SLMAP: variants seen among roughly 807,000 people sequenced by gnomAD.
The protein encoded by SLMAP is sarcolemmal membrane-associated protein.
SLMAP carries 44 observed loss-of-function variants against 128.8 expected under a neutral mutation model. The observed-to-expected ratio is 0.34, with a 90% CI of 0.27 to 0.44. SLMAP has a LOEUF of 0.44. SLMAP is among the 20% of genes least tolerant of loss of function. The pLI is 1.00. For missense variants in SLMAP, 787 were observed against 985.3 expected (o/e 0.80, Z 2.69); for synonymous variants, 327 against 348.8 (o/e 0.94, Z 0.70).
intron 2 of SLMAP, among the ~76,000 whole-genome samples, chr3:57,778,379 TC>T (rs2082323009): frequency 6.6e-6 from 1 of 151,730 alleles, no homozygotes; most frequent in African/African-American, 2.4e-5. Flanking sequence ...TTTTTTTTTT[TC>T]CATTACACTT....
At chr3:57,759,813 A>T (rs999793760) in intron 2 of SLMAP, among the ~76,000 whole-genome samples, 2 of 152,194 alleles carry the variant, frequency 1.3e-5, no homozygotes, top group African/African-American at 4.8e-5. Flanking sequence ...TGTTTTACTT[A>T]TTTGAAAAAT....
chr3:57,836,251 C>T (rs1406947368), intron 3 of SLMAP, among the ~76,000 whole-genome samples: 1 of 151,414 alleles, frequency 6.6e-6, no homozygotes, highest in Non-Finnish European at 1.5e-5. Flanking sequence ...GAAGAGGGAG[C>T]CAAATTAAAA....
chr3:57,909,053 A>T, intron 18 of SLMAP, 23 bp from the exon 19 acceptor site: 1 of 1,525,176 alleles, frequency 6.6e-7, no homozygotes, highest in Non-Finnish European at 9.0e-7. Context: ...AACTATTAAT[A>T]GATACTGTGT....
intron 2 of SLMAP, among the ~76,000 whole-genome samples, chr3:57,793,097 C>T (rs2153478088): frequency 7.0e-6 from 1 of 143,684 alleles, no homozygotes; most frequent in African/African-American, 2.7e-5. Context: ...CAAGATCATG[C>T]TACTGCACTC....
intron 15 of SLMAP, among the ~76,000 whole-genome samples, chr3:57,892,742 C>T (rs865981466): frequency 6.6e-6 from 1 of 150,884 alleles, no homozygotes; most frequent in East Asian, 2.0e-4. Context: ...CCCAGGAGTT[C>T]GAGACCAGCC....
intron 2 of SLMAP, among the ~76,000 whole-genome samples, chr3:57,803,424 G>A (rs981184049): frequency 6.6e-6 from 1 of 152,136 alleles, no homozygotes; most frequent in Non-Finnish European, 1.5e-5. Flanking sequence ...AATCAAATTA[G>A]TGCTAGTGCT....
At chr3:57,899,994 T>G (rs960757346) in intron 17 of SLMAP, 6 of 147,924 alleles carry the variant, frequency 4.1e-5, no homozygotes, top group African/African-American at 1.5e-4. Context: ...TTATGCTTGA[T>G]TATGTGTGGT....
chr3:57,917,888 C>T (rs1200980309), intron 22 of SLMAP: 2 of 152,148 alleles, frequency 1.3e-5, no homozygotes, highest in Non-Finnish European at 2.9e-5. Context: ...TAAAAGGATT[C>T]TTTATGAATT....
Position 57,791,658 on chromosome 3 carries a change from A to G in SLMAP, c.198+33809A>G, listed in dbSNP as rs190783718. Among the ~76,000 whole-genome samples, 60 of 152,274 alleles carry G rather than the reference A, an allele frequency of 3.9e-4. 1 individual carries two copies. The East Asian group carries it at 6.7e-3, about 17-fold the overall frequency. ...TCGATAAACTATCAAATAAATTTCT[A>G]TTTCAACAGAAAATCCAAAAATTGC... On this transcript the variant is annotated intron_variant, in intron 2 of 24. Transcript: ENST00000671191.
At chr3:57,895,626 G>A (rs1289812208) in intron 15 of SLMAP, among the ~76,000 whole-genome samples, 4 of 151,898 alleles carry the variant, frequency 2.6e-5, no homozygotes, top group South Asian at 2.1e-4. Flanking sequence ...GAGCCACTGC[G>A]CCTGGCCCTA....
intron 2 of SLMAP, among the ~76,000 whole-genome samples, chr3:57,781,015 CAT>C (rs1395927557): frequency 6.7e-6 from 1 of 149,884 alleles, no homozygotes; most frequent in East Asian, 2.0e-4. Flanking sequence ...TATATATATA[CAT>C]ATATATACAC....
intron 2 of SLMAP, among the ~76,000 whole-genome samples, chr3:57,762,143 C>T (rs915900940): frequency 5.4e-5 from 8 of 148,828 alleles, no homozygotes; most frequent in East Asian, 4.0e-4. Context: ...CTGAGGCAGA[C>T]GGATCACGAG....
At chr3:57,913,011 C>T in intron 20 of SLMAP, 147 bp from the exon 21 acceptor site, 1 of 518,638 alleles carries the variant, frequency 1.9e-6, no homozygotes, top group Non-Finnish European at 3.5e-6. Flanking sequence ...TGCAAAGTAA[C>T]AGGAATCATA....
chr3:57,924,193 A>G (rs908040870), intron 23 of SLMAP, among the ~76,000 whole-genome samples: 17 of 152,134 alleles, frequency 1.1e-4, no homozygotes, highest in Non-Finnish European at 2.2e-4. Flanking sequence ...ATTATTATTT[A>G]TAGCTACCAT....
chr3:57,782,964 C>T (rs1325899457), intron 2 of SLMAP, among the ~76,000 whole-genome samples: 1 of 152,190 alleles, frequency 6.6e-6, no homozygotes, highest in Admixed American at 6.5e-5. Context: ...ACTTCTAGCT[C>T]CCAGAACTGT....
intron 13 of SLMAP, among the ~76,000 whole-genome samples, chr3:57,868,496 A>G (rs1438862580): frequency 6.6e-6 from 1 of 151,884 alleles, no homozygotes; most frequent in Non-Finnish European, 1.5e-5. Context: ...GAGGCTAAGC[A>G]GGGAAGACTG....
intron 19 of SLMAP, among the ~76,000 whole-genome samples, chr3:57,910,500 C>T (rs568549548): frequency 3.3e-5 from 5 of 152,258 alleles, no homozygotes; most frequent in African/African-American, 1.2e-4. Context: ...AATTATATAT[C>T]ACGTGGAATA....
chr3:57,851,009 A>G (rs1165507768), intron 6 of SLMAP, among the ~76,000 whole-genome samples: 2 of 152,248 alleles, frequency 1.3e-5, no homozygotes, highest in Non-Finnish European at 2.9e-5. Context: ...AAGTAATTAT[A>G]TAGCACTTAT....
intron 3 of SLMAP, among the ~76,000 whole-genome samples, chr3:57,836,176 A>G (rs2093631939): frequency 6.6e-6 from 1 of 152,134 alleles, no homozygotes. Flanking sequence ...TTAGACATAT[A>G]TATCTCTAGA....
Sources: gnomAD v4.1 joint callset for allele counts (sites outside exome capture counted in the v4.1 genomes callset) on GRCh38, gnomAD v4.1.1 for gene constraint, MANE v1.5 for transcripts, NCBI Gene and HGNC (gene_info 2026-07-23, HGNC 2026-07-21) for gene names.